The following REDIC1 variants were observed in gnomAD, a reference collection of about 807,000 sequenced individuals.
The protein encoded by REDIC1 is regulator of DNA class I crossover intermediates 1.
chr12:39,629,189 T>C, the REDIC1 span, among the ~76,000 whole-genome samples: 1 of 152,154 alleles, frequency 6.6e-6, no homozygotes, highest in Non-Finnish European at 1.5e-5. Flanking sequence ...TTGATCAAAT[T>C]GGAGATCTAG....
At chr12:39,806,880 T>A in the REDIC1 span, among the ~76,000 whole-genome samples, 2 of 152,052 alleles carry the variant, frequency 1.3e-5, no homozygotes, top group South Asian at 4.1e-4. Context: ...TACTATACAA[T>A]ACTACTCAGC....
At chr12:39,873,425 C>T in the REDIC1 span, among the ~76,000 whole-genome samples, 1 of 152,106 alleles carries the variant, frequency 6.6e-6, no homozygotes, top group Non-Finnish European at 1.5e-5. Context: ...TCATAAAGAC[C>T]TGTATGGCAA....
chr12:39,889,799 G>A, the REDIC1 span, among the ~76,000 whole-genome samples: 9 of 151,944 alleles, frequency 5.9e-5, no homozygotes, highest in Non-Finnish European at 1.2e-4. Flanking sequence ...CAAAGTGTTG[G>A]GATTACAGGT....
chr12:39,879,395 T>C, the REDIC1 span, among the ~76,000 whole-genome samples: 1 of 152,192 alleles, frequency 6.6e-6, no homozygotes, highest in Non-Finnish European at 1.5e-5. Flanking sequence ...GGCATTCAAC[T>C]TCAACTCATG....
the REDIC1 span, among the ~76,000 whole-genome samples, chr12:39,818,761 T>C: frequency 2.0e-5 from 3 of 152,178 alleles, no homozygotes; most frequent in East Asian, 3.8e-4. Context: ...TGTAGATGTT[T>C]CATATACCAA....
the REDIC1 span, among the ~76,000 whole-genome samples, chr12:39,669,576 A>G: frequency 1.3e-5 from 2 of 152,234 alleles, no homozygotes; most frequent in Non-Finnish European, 2.9e-5. Context: ...ACTCTCTTCA[A>G]AGCTGTCAGA....
chr12:39,666,370 A>G, the REDIC1 span, among the ~76,000 whole-genome samples: 1 of 152,158 alleles, frequency 6.6e-6, no homozygotes, highest in Non-Finnish European at 1.5e-5. Flanking sequence ...GATTACGTTT[A>G]TTGATTTGCA....
chr12:39,741,467 G>C, the REDIC1 span, among the ~76,000 whole-genome samples: 1 of 152,160 alleles, frequency 6.6e-6, no homozygotes, highest in Non-Finnish European at 1.5e-5. Context: ...ATTTTGTCAT[G>C]CAGTTCATTT....
the REDIC1 span, among the ~76,000 whole-genome samples, chr12:39,669,375 G>T: frequency 6.6e-6 from 1 of 152,176 alleles, no homozygotes; most frequent in African/African-American, 2.4e-5. Context: ...GCAGATATTG[G>T]TGAGAAGCAA....
chr12:39,683,028 A>G, the REDIC1 span: 3 of 1,613,396 alleles, frequency 1.9e-6, no homozygotes, highest in Non-Finnish European at 2.5e-6. Context: ...CAAGTTATCC[A>G]GAAAAATGTC....
the REDIC1 span, among the ~76,000 whole-genome samples, chr12:39,706,748 C>T: frequency 6.6e-6 from 1 of 151,994 alleles, no homozygotes; most frequent in Non-Finnish European, 1.5e-5. Context: ...CAAGAACATG[C>T]ACTGGGAAAA....
chr12:39,792,173 T>C, the REDIC1 span, among the ~76,000 whole-genome samples: 7 of 83,326 alleles, frequency 8.4e-5, no homozygotes, highest in South Asian at 5.2e-4. Context: ...GCTAGCCATA[T>C]GTAGAAAGCT....
the REDIC1 span, among the ~76,000 whole-genome samples, chr12:39,664,861 G>T: frequency 6.6e-6 from 1 of 152,176 alleles, no homozygotes; most frequent in African/African-American, 2.4e-5. Context: ...TCTGTTGGCT[G>T]CATAAATGTC....
chr12:39,747,328 G>A, the REDIC1 span, among the ~76,000 whole-genome samples: 1 of 152,220 alleles, frequency 6.6e-6, no homozygotes, highest in Non-Finnish European at 1.5e-5. Context: ...GGGTATCAGT[G>A]ATTGAAGATC....
chr12:39,748,023 C>T, the REDIC1 span, among the ~76,000 whole-genome samples: 2 of 152,084 alleles, frequency 1.3e-5, no homozygotes, highest in African/African-American at 2.4e-5. Flanking sequence ...CATCAACTAA[C>T]GAGCAAAATA....
At chr12:39,898,450 A>C in the REDIC1 span, among the ~76,000 whole-genome samples, 1 of 152,114 alleles carries the variant, frequency 6.6e-6, no homozygotes, top group African/African-American at 2.4e-5. Context: ...GTCCATTTGG[A>C]GAATGACATA....
At chr12:39,775,114 C>A in the REDIC1 span, among the ~76,000 whole-genome samples, 1,034 of 152,186 alleles carry the variant, frequency 6.8e-3, 7 homozygotes, top group Non-Finnish European at 0.011. Flanking sequence ...TTTCTCTGTG[C>A]TTTCATTTAT....
At chr12:39,897,136 C>T in the REDIC1 span, among the ~76,000 whole-genome samples, 1 of 152,122 alleles carries the variant, frequency 6.6e-6, no homozygotes, top group Non-Finnish European at 1.5e-5. Flanking sequence ...TAAGAAACTT[C>T]TAGAATAAGA....
At chr12:39,737,547 G>T in the REDIC1 span, among the ~76,000 whole-genome samples, 2 of 152,186 alleles carry the variant, frequency 1.3e-5, no homozygotes, top group African/African-American at 2.4e-5. Context: ...AGACACCAAA[G>T]TAACCTTATA....
Sources: gnomAD v4.1 joint callset for allele counts (sites outside exome capture counted in the v4.1 genomes callset) on GRCh38, gnomAD v4.1.1 for gene constraint, MANE v1.5 for transcripts, NCBI Gene and HGNC (gene_info 2026-07-23, HGNC 2026-07-21) for gene names.